Variants in TMCC1 observed in about 807,000 individuals in gnomAD.
TMCC1 encodes the protein transmembrane and coiled-coil domain family 1, also known as transmembrane and coiled-coil domains protein 1.
A neutral mutation model predicts 52.4 loss-of-function variants in TMCC1; 15 were observed. That is an observed-to-expected ratio of 0.29 (90% CI 0.19 to 0.44). TMCC1 has a LOEUF of 0.44. Ranked by LOEUF, TMCC1 falls within the 20% of genes least tolerant of loss-of-function variation. The probability of loss-of-function intolerance (pLI) is 1.00; values close to 1 mark genes in which losing one functional copy is unlikely to be tolerated. For synonymous variants in TMCC1, 279 were observed against 301.9 expected (o/e 0.92, Z 0.79); for missense variants, 503 against 806.0 (o/e 0.62, Z 4.55).
At chr3:129,832,304 G>A (rs2058957192) in intron 3 of TMCC1, among the ~76,000 whole-genome samples, 2 of 152,270 alleles carry the variant, frequency 1.3e-5, no homozygotes, top group South Asian at 4.1e-4. Context: ...GTAAACCAGA[G>A]GGAGAAAGAG....
intron 2 of TMCC1, among the ~76,000 whole-genome samples, chr3:129,854,972 C>A (rs1259782732): frequency 6.6e-6 from 1 of 152,172 alleles, no homozygotes; most frequent in African/African-American, 2.4e-5. Flanking sequence ...CATGAATGAA[C>A]AAATGCATGA....
At chr3:129,864,314 G>C (rs1360563148) in intron 2 of TMCC1, among the ~76,000 whole-genome samples, 2 of 152,266 alleles carry the variant, frequency 1.3e-5, no homozygotes, top group Middle Eastern at 3.4e-3. Context: ...AAGTGGCAGA[G>C]TCAAATCAAA....
At chr3:129,844,406 T>G (rs2059567124) in intron 2 of TMCC1, among the ~76,000 whole-genome samples, 1 of 152,212 alleles carries the variant, frequency 6.6e-6, no homozygotes, top group South Asian at 2.1e-4. Context: ...AGGGATCTTT[T>G]GGGTAAAACT....
intron 4 of TMCC1, chr3:129,688,347 A>T: frequency 2.0e-6 from 2 of 985,374 alleles, no homozygotes; most frequent in Non-Finnish European, 2.4e-6. Context: ...GCTGTGGCAT[A>T]GTCTGTCACT....
intron 4 of TMCC1, among the ~76,000 whole-genome samples, chr3:129,677,729 TA>T (rs1437006737): frequency 6.6e-6 from 1 of 152,036 alleles, no homozygotes; most frequent in Non-Finnish European, 1.5e-5. Context: ...TTGTGAAGAG[TA>T]GAGGGTCCAA....
intron 4 of TMCC1, among the ~76,000 whole-genome samples, chr3:129,788,319 TGAAA>T (rs956441028): frequency 1.3e-5 from 2 of 152,222 alleles, no homozygotes; most frequent in African/African-American, 4.8e-5. Flanking sequence ...ATCAATATCA[TGAAA>T]GCATTTCAGA....
chr3:129,696,223 C>T (rs1433383254), intron 4 of TMCC1, among the ~76,000 whole-genome samples: 1 of 152,226 alleles, frequency 6.6e-6, no homozygotes, highest in African/African-American at 2.4e-5. Context: ...GAACCTTGGT[C>T]TCCACCATCT....
At chr3:129,653,691 G>A (rs1486068225) in intron 6 of TMCC1, among the ~76,000 whole-genome samples, 1 of 152,052 alleles carries the variant, frequency 6.6e-6, no homozygotes, top group Non-Finnish European at 1.5e-5. Flanking sequence ...GCCCGCCTCG[G>A]CCTCCCAAAA....
rs944411729 is a variant in TMCC1 at position 129,651,464 on chromosome 3, T to C, written c.*17A>G. The C allele has an allele frequency of 1.9e-6, 3 of 1,607,734 alleles. No individual in the cohort carries two copies. Among genetic ancestry groups the C allele is most frequent in the Non-Finnish European group, 2.6e-6 (3 of 1,175,848 alleles). On this transcript the variant is annotated 3_prime_UTR_variant, in exon 7 of 7. Transcript: ENST00000393238. This position sits in a 1 kb window ranked among gnomAD's most constrained non-coding sequence, Gnocchi z 5.1. ...GCACTCGCCAGAGGGTAGGGAACAA[T>C]GCCTTCTGTGCCAGCATCATCTAGG...
intron 5 of TMCC1, among the ~76,000 whole-genome samples, chr3:129,667,244 GAC>G (rs1481596632): frequency 7.0e-5 from 8 of 114,930 alleles, no homozygotes; most frequent in African/African-American, 2.7e-4. Context: ...AAAAAAAAAA[GAC>G]TTCAATTTGT....
intron 4 of TMCC1, among the ~76,000 whole-genome samples, chr3:129,770,384 T>C (rs1342483576): frequency 1.3e-5 from 2 of 152,016 alleles, no homozygotes; most frequent in Non-Finnish European, 2.9e-5. Flanking sequence ...GGCATGGTGT[T>C]GCACACCTGT....
At position 129,719,938 on chromosome 3, in the gene TMCC1, G is replaced by A. The variant is rs574793347; in HGVS notation, c.577-48674C>T. Among the ~76,000 whole-genome samples, 4 of 152,096 alleles carry A rather than the reference G, an allele frequency of 2.6e-5. No homozygotes were observed. The South Asian group carries it at 6.2e-4, about 24-fold the overall frequency. On this transcript the variant is annotated intron_variant, in intron 4 of 6. Transcript: ENST00000393238. ...TCATGCCTGTAATCTCAACATTTTG[G>A]GAGGCCAAAAGGCAGGAGGATCACT...
At chr3:129,789,873 C>G (rs2056333279) in intron 4 of TMCC1, among the ~76,000 whole-genome samples, 1 of 152,128 alleles carries the variant, frequency 6.6e-6, no homozygotes, top group African/African-American at 2.4e-5. Flanking sequence ...CATTTTTAGA[C>G]TAAAATATTT....
At chr3:129,825,776 T>C (rs1447149365) in intron 4 of TMCC1, among the ~76,000 whole-genome samples, 1 of 152,016 alleles carries the variant, frequency 6.6e-6, no homozygotes, top group Non-Finnish European at 1.5e-5. Context: ...AGGCCACCGG[T>C]TGGGTAAGAG....
At chr3:129,888,989 C>T (rs1371373252) in intron 1 of TMCC1, among the ~76,000 whole-genome samples, 1 of 152,092 alleles carries the variant, frequency 6.6e-6, no homozygotes, top group East Asian at 1.9e-4. Context: ...TACCTGACCA[C>T]GGCTGGACAC....
chr3:129,690,186 A>G (rs2046924927), intron 4 of TMCC1, among the ~76,000 whole-genome samples: 1 of 152,194 alleles, frequency 6.6e-6, no homozygotes, highest in African/African-American at 2.4e-5. Context: ...ATCAGTTGTG[A>G]TTTCAATTTG....
At chr3:129,734,177 T>C (rs1389856052) in intron 4 of TMCC1, among the ~76,000 whole-genome samples, 1 of 152,140 alleles carries the variant, frequency 6.6e-6, no homozygotes, top group Non-Finnish European at 1.5e-5. Context: ...TGTATGTCCA[T>C]TAACAGGAGA....
chr3:129,863,122 G>A (rs1203317249), intron 2 of TMCC1, among the ~76,000 whole-genome samples: 1 of 152,062 alleles, frequency 6.6e-6, no homozygotes, highest in Non-Finnish European at 1.5e-5. Flanking sequence ...GAATTACTAG[G>A]GGGATAAAAA....
At chr3:129,812,387 G>T (rs2057868976) in intron 4 of TMCC1, among the ~76,000 whole-genome samples, 1 of 143,904 alleles carries the variant, frequency 6.9e-6, no homozygotes, top group Non-Finnish European at 1.5e-5. Flanking sequence ...AGGGCATTAT[G>T]TAAAAGAGGA....
Sources: allele counts gnomAD v4.1 joint callset (sites outside exome capture counted in the v4.1 genomes callset), GRCh38; gene constraint gnomAD v4.1.1; non-coding constraint Gnocchi (gnomAD v3.1); transcripts MANE v1.5; gene names NCBI Gene and HGNC (gene_info 2026-07-23, HGNC 2026-07-21).